The following SGF29 variants were observed in gnomAD, a reference collection of about 807,000 sequenced individuals.
SGF29 encodes the protein SAGA-associated factor 29.
A neutral mutation model predicts 38.1 loss-of-function variants in SGF29; 15 were observed. That is an observed-to-expected ratio of 0.39 (90% confidence interval 0.26 to 0.61). SGF29 has a LOEUF of 0.61. Ranked by LOEUF, SGF29 falls within the 20% of genes least tolerant of loss-of-function variation. The pLI is 0.49. For missense variants in SGF29, 184 were observed against 394.6 expected, an observed-to-expected ratio of 0.47 and a Z score of 4.52; for synonymous variants, 151 against 160.8, an observed-to-expected ratio of 0.94 and a Z score of 0.46.
At chr16:28,564,582 T>C (rs2046813878) in intron 1 of SGF29, among the ~76,000 whole-genome samples, 4 of 129,496 alleles carry the variant, frequency 3.1e-5, no homozygotes, top group African/African-American at 5.6e-5. Context: ...TATATACACG[T>C]ATATATATAC....
rs1366045508 is a variant in SGF29, at chr16:28,564,788, C to T, written c.-16+10691C>T. 7.7e-4 allele frequency among the ~76,000 whole-genome samples: 82 copies of T among 105,904 alleles called. 1 individual carries two copies. Among genetic ancestry groups the T allele is most frequent in the South Asian group, 1.7e-3 (6 of 3,636 alleles). The allele number at this position is 105,904 out of a possible 152,430, so 69.5% of individuals were successfully genotyped here. A position where few individuals can be genotyped will look rare whatever the true frequency, so the allele number is the denominator to read the frequency against. On this transcript the variant is annotated intron_variant, in intron 1 of 9. Coordinates refer to ENST00000317058, the MANE Select transcript of SGF29 (RefSeq NM_138414.3). The stretch of plus-strand genomic sequence containing the variant: ...GTATATATATGTATATATATATATA[C>T]ACACACACACACACACACAAACACA...
chr16:28,569,895 C>T (rs756729513), intron 1 of SGF29, among the ~76,000 whole-genome samples: 5 of 152,110 alleles, frequency 3.3e-5, no homozygotes, highest in South Asian at 2.1e-4. Flanking sequence ...CTTGGCAGCC[C>T]GAGGTAGTTT....
At chr16:28,557,729 A>G (rs1273213412) in intron 1 of SGF29, among the ~76,000 whole-genome samples, 1 of 152,192 alleles carries the variant, frequency 6.6e-6, no homozygotes, top group African/African-American at 2.4e-5. Flanking sequence ...ATTAGAGGAC[A>G]TCCAGCGTGT....
intron 1 of SGF29, among the ~76,000 whole-genome samples, chr16:28,566,156 C>G (rs2046835154): frequency 6.6e-6 from 1 of 151,806 alleles, no homozygotes; most frequent in African/African-American, 2.4e-5. Flanking sequence ...CGCCTGTAGT[C>G]CCAGCTACTC....
At chr16:28,561,656 A>C (rs1392493857) in intron 1 of SGF29, among the ~76,000 whole-genome samples, 1 of 152,194 alleles carries the variant, frequency 6.6e-6, no homozygotes, top group Non-Finnish European at 1.5e-5. Flanking sequence ...ACTGGGCGTT[A>C]CCTCAGCATT....
intron 1 of SGF29, among the ~76,000 whole-genome samples, chr16:28,557,872 G>A (rs1034315398): frequency 1.3e-5 from 2 of 151,350 alleles, no homozygotes; most frequent in African/African-American, 2.4e-5. Flanking sequence ...CTCACAGACT[G>A]TAGCTGAAGA....
chr16:28,578,700 A>G lies in SGF29; in HGVS notation c.-15-2355A>G, dbSNP rs988039943. Among the ~76,000 whole-genome samples the G allele has an allele frequency of 1.8e-3, 274 of 151,374 alleles. 2 individuals carry two copies. Among genetic ancestry groups the G allele is most frequent in the Middle Eastern group, 3.4e-3 (1 of 292 alleles). On this transcript the variant is annotated intron_variant, in intron 1 of 9. Coordinates refer to ENST00000317058, the MANE Select transcript of SGF29 (RefSeq NM_138414.3). ...GAACAACTTTAAAAAAAAAAAAAAA[A>G]AAGAGGGCGAGGTGGGTGGATCACG...
At chr16:28,570,979 A>T (rs2046861564) in intron 1 of SGF29, among the ~76,000 whole-genome samples, 1 of 152,090 alleles carries the variant, frequency 6.6e-6, no homozygotes, top group Admixed American at 6.6e-5. Flanking sequence ...GACTGAATGT[A>T]TTTTGCAAGT....
chr16:28,589,412 C>G (rs2046974140), intron 5 of SGF29: 1 of 495,614 alleles, frequency 2.0e-6, no homozygotes, highest in African/African-American at 1.9e-5. Context: ...TCTCCTGCCC[C>G]TTCTGGGGCC....
chr16:28,575,468 G>A (rs1030444638), intron 1 of SGF29, among the ~76,000 whole-genome samples: 14 of 151,746 alleles, frequency 9.2e-5, no homozygotes, highest in African/African-American at 3.4e-4. Flanking sequence ...ATCACTTGAG[G>A]TTGAGAGTTT....
intron 1 of SGF29, among the ~76,000 whole-genome samples, chr16:28,580,747 A>G (rs555241062): frequency 6.7e-4 from 102 of 152,320 alleles, no homozygotes; most frequent in Non-Finnish European, 1.3e-3. Flanking sequence ...CAATGGCACG[A>G]TCGTAGCTCA....
rs1207309158 is a variant in SGF29, at chr16:28,565,315, C to G, written c.-16+11218C>G. Among the ~76,000 whole-genome samples the G allele has an allele frequency of 5.9e-5, 9 of 152,126 alleles. 1 individual carries two copies. The highest frequency in any genetic ancestry group is 5.9e-4 in the Admixed American group (9 of 15,270). On this transcript the variant is annotated intron_variant, in intron 1 of 9. Transcript: ENST00000317058. Reference sequence around the variant, plus strand: ...ACCAGCCGTCTAGGCATCCCTCAATCCAGACCAGTTGTTACCTAGGATTAA... The same window carrying G: ...ACCAGCCGTCTAGGCATCCCTCAATGCAGACCAGTTGTTACCTAGGATTAA...
intron 1 of SGF29, among the ~76,000 whole-genome samples, chr16:28,572,665 G>T (rs995582169): frequency 1.8e-4 from 27 of 152,214 alleles, no homozygotes; most frequent in Admixed American, 6.5e-5. Context: ...GGTCAGGCAA[G>T]CGCAGCCTTG....
chr16:28,589,061 G>C (rs552264306), intron 4 of SGF29, 39 bp from the exon 5 acceptor site: 2 of 1,611,046 alleles, frequency 1.2e-6, no homozygotes, highest in Non-Finnish European at 1.7e-6. Context: ...TGCTATGTAC[G>C]TTAACCAAAC....
intron 1 of SGF29, among the ~76,000 whole-genome samples, chr16:28,568,182 C>T (rs1018652004): frequency 1.1e-4 from 17 of 151,498 alleles, no homozygotes; most frequent in Admixed American, 8.6e-4. Flanking sequence ...GCATGGTGGT[C>T]GGCGCCTATA....
intron 4 of SGF29, 108 bp from the exon 5 acceptor site, chr16:28,588,992 C>T (rs908389301): frequency 3.9e-5 from 47 of 1,193,458 alleles, no homozygotes; most frequent in Middle Eastern, 1.9e-4. Flanking sequence ...CTCTGGAGTC[C>T]GGGACCAGCC....
chr16:28,573,589 C>T (rs755689372), intron 1 of SGF29, among the ~76,000 whole-genome samples: 2 of 152,132 alleles, frequency 1.3e-5, no homozygotes, highest in Non-Finnish European at 2.9e-5. Flanking sequence ...ATGAACTCTC[C>T]TCAATCATGC....
chr16:28,582,388 C>T (rs941331458), intron 2 of SGF29, among the ~76,000 whole-genome samples: 4 of 151,422 alleles, frequency 2.6e-5, no homozygotes, highest in African/African-American at 7.3e-5. Flanking sequence ...ATGGGGGGCA[C>T]GCAACATGAT....
intron 1 of SGF29, among the ~76,000 whole-genome samples, chr16:28,563,622 C>T (rs1204668354): frequency 5.3e-5 from 8 of 150,356 alleles, no homozygotes; most frequent in South Asian, 4.2e-4. Context: ...TAGGAGATTT[C>T]GTTGTATTTC....
Sources: allele counts gnomAD v4.1 joint callset (sites outside exome capture counted in the v4.1 genomes callset), GRCh38; gene constraint gnomAD v4.1.1; transcripts MANE v1.5; gene names NCBI Gene and HGNC (gene_info 2026-07-23, HGNC 2026-07-21).